Variants in DLGAP2 observed in about 807,000 individuals in gnomAD.
DLGAP2 encodes the protein disks large-associated protein 2.
DLGAP2 carries 26 observed loss-of-function variants against 100.3 expected under a neutral mutation model. The ratio of observed to expected loss-of-function variants is 0.26; its 90% CI spans 0.19 to 0.36. The LOEUF is 0.36. Among genes scored for constraint, DLGAP2 ranks in the 10% least tolerant of loss-of-function variants. DLGAP2 has a pLI of 1.00. For missense variants in DLGAP2, 1,858 were observed against 1,453.2 expected (o/e 1.28, Z -4.53); for synonymous variants, 886 against 630.1 (o/e 1.41, Z -6.08).
chr8:1,466,300 C>G (rs993470174), intron 3 of DLGAP2, among the ~76,000 whole-genome samples: 3 of 152,022 alleles, frequency 2.0e-5, no homozygotes, highest in African/African-American at 7.2e-5. Flanking sequence ...GCCAGGCAAC[C>G]TGAGCCAAGC....
rs141296253 is a variant in DLGAP2 at position 930,265 on chromosome 8, T to C, written c.73+22299T>C. Among the ~76,000 whole-genome samples the C allele has an allele frequency of 3.6e-3, 545 of 152,336 alleles. 6 individuals are homozygous for C. The highest frequency in any genetic ancestry group is 0.013 in the African/African-American group (524 of 41,576). Reference sequence around the variant, plus strand: ...AGTTTGTTCTCCTCTTGGTTGATCATGTGGTCATGGAATCAGTGCACGATC... The same window carrying C: ...AGTTTGTTCTCCTCTTGGTTGATCACGTGGTCATGGAATCAGTGCACGATC... On this transcript the variant is annotated intron_variant, in intron 2 of 14. Coordinates refer to ENST00000637795, the MANE Select transcript of DLGAP2 (RefSeq NM_001346810.2).
At chr8:1,374,531 G>T (rs1220227041) in intron 3 of DLGAP2, among the ~76,000 whole-genome samples, 3 of 152,146 alleles carry the variant, frequency 2.0e-5, no homozygotes, top group African/African-American at 7.2e-5. Flanking sequence ...TTAACAAAGG[G>T]CATTCAGGTG....
At chr8:1,319,928 G>C (rs1394688988) in intron 3 of DLGAP2, among the ~76,000 whole-genome samples, 1 of 152,186 alleles carries the variant, frequency 6.6e-6, no homozygotes, top group Non-Finnish European at 1.5e-5. Context: ...CAGGGCCTTT[G>C]AGAATGTGCC....
chr8:1,432,520 G>A (rs1797481428), intron 3 of DLGAP2, among the ~76,000 whole-genome samples: 1 of 152,354 alleles, frequency 6.6e-6, no homozygotes, highest in African/African-American at 2.4e-5. Flanking sequence ...GTTGACTGGG[G>A]AGAGGAGACA....
chr8:825,462 A>G (rs1796669743), intron 1 of DLGAP2, among the ~76,000 whole-genome samples: 1 of 152,182 alleles, frequency 6.6e-6, no homozygotes, highest in African/African-American at 2.4e-5. Flanking sequence ...GGTGAGTGCC[A>G]GGCAGTCTTC....
At chr8:1,665,319 G>A (rs1798516736) in intron 8 of DLGAP2, among the ~76,000 whole-genome samples, 1 of 152,174 alleles carries the variant, frequency 6.6e-6, no homozygotes, top group African/African-American at 2.4e-5. Flanking sequence ...ATGAGCCAAG[G>A]TGGGGATGAA....
chr8:1,185,584 G>A lies in DLGAP2; in HGVS notation c.74-73267G>A, dbSNP rs371816674. Among the ~76,000 whole-genome samples, 7 of 152,136 alleles carry A rather than the reference G, an allele frequency of 4.6e-5. 1 individual carries two copies. The South Asian group carries it at 6.2e-4, about 14-fold the overall frequency. On this transcript the variant is annotated intron_variant, in intron 2 of 14. Coordinates refer to ENST00000637795, the MANE Select transcript of DLGAP2 (RefSeq NM_001346810.2). ...ACATCCACTAGTCATTTATTGACTC[G>A]CTAATTCCATCATGCAAAATGGTAA...
At chr8:1,368,061 T>C (rs1418927733) in intron 3 of DLGAP2, among the ~76,000 whole-genome samples, 2 of 152,232 alleles carry the variant, frequency 1.3e-5, no homozygotes, top group African/African-American at 2.4e-5. Context: ...TTAACGTGCA[T>C]ACCTATCACG....
chr8:863,416 C>G (rs1455020414), intron 1 of DLGAP2, among the ~76,000 whole-genome samples: 1 of 152,192 alleles, frequency 6.6e-6, no homozygotes, highest in Non-Finnish European at 1.5e-5. Context: ...AATAATTTCT[C>G]CATTCTCATT....
Position 1,564,706 on chromosome 8 carries a change from T to C in DLGAP2, c.1231-977T>C, listed in dbSNP as rs574258511. On this transcript the variant is annotated intron_variant, in intron 5 of 14. Coordinates refer to ENST00000637795, the MANE Select transcript of DLGAP2 (RefSeq NM_001346810.2). ...TGCTGAGTTCTATACCACACAGATA[T>C]ATAACATTCATGGTTGCTCAAGTCT... Among the ~76,000 whole-genome samples, 234 of 152,354 alleles carry C rather than the reference T, an allele frequency of 1.5e-3. 1 individual carries two copies. The highest frequency in any genetic ancestry group is 0.014 in the Middle Eastern group (4 of 292).
intron 1 of DLGAP2, among the ~76,000 whole-genome samples, chr8:775,139 G>A (rs905313079): frequency 2.8e-4 from 42 of 152,136 alleles, no homozygotes; most frequent in African/African-American, 9.2e-4. Context: ...CTCATGATTT[G>A]GCTCTGTGTT....
intron 2 of DLGAP2, among the ~76,000 whole-genome samples, chr8:1,034,484 C>G (rs1802074145): frequency 1.6e-5 from 1 of 61,464 alleles, no homozygotes; most frequent in African/African-American, 9.2e-5. Context: ...GGGTTCACAG[C>G]CTCATCCCGA....
Position 1,472,169 on chromosome 8 carries a change from C to A in DLGAP2, c.107-29197C>A, listed in dbSNP as rs578124487. Among the ~76,000 whole-genome samples the A allele has an allele frequency of 1.3e-3, 198 of 152,264 alleles. 3 individuals carry two copies. The highest frequency in any genetic ancestry group is 8.3e-4 in the South Asian group (4 of 4,828). ...CATGCAGAGCTCAGACGGGGCCGCA[C>A]TGGGGAGGTGATGCTGGAGGAAATC... is the stretch of plus-strand genomic sequence containing the variant. On this transcript the variant is annotated intron_variant, in intron 3 of 14. Transcript: ENST00000637795.
chr8:1,573,456 A>T (rs1420605825), intron 6 of DLGAP2, among the ~76,000 whole-genome samples: 1 of 151,660 alleles, frequency 6.6e-6, no homozygotes, highest in Non-Finnish European at 1.5e-5. Context: ...GGGGGCATCT[A>T]ATGGGATTGA....
rs146889414 is a variant in DLGAP2, at chr8:1,263,724, C to T, written c.106+4841C>T. Among the ~76,000 whole-genome samples, 1,156 of 152,174 alleles carry T rather than the reference C, an allele frequency of 7.6e-3. 12 individuals carry two copies. Among genetic ancestry groups the T allele is most frequent in the South Asian group, 0.047 (225 of 4,812 alleles). On this transcript the variant is annotated intron_variant, in intron 3 of 14. Coordinates refer to ENST00000637795, the MANE Select transcript of DLGAP2 (RefSeq NM_001346810.2). Reference sequence around the variant, plus strand: ...ATGATAGGATTGCTTCTTGAAATTGCATATTGAAGAGCTTAGAAATAACCC... The same window carrying T: ...ATGATAGGATTGCTTCTTGAAATTGTATATTGAAGAGCTTAGAAATAACCC...
chr8:1,342,207 A>G (rs952629081), intron 3 of DLGAP2, among the ~76,000 whole-genome samples: 2 of 152,070 alleles, frequency 1.3e-5, no homozygotes, highest in South Asian at 2.1e-4. Flanking sequence ...TCAGCCTCCC[A>G]AAGTGCTGGG....
At chr8:778,563 C>A (rs541284679) in intron 1 of DLGAP2, among the ~76,000 whole-genome samples, 1 of 152,180 alleles carries the variant, frequency 6.6e-6, no homozygotes, top group South Asian at 2.1e-4. Flanking sequence ...TTCCTCCTAA[C>A]GGACAGGACC....
At chr8:1,158,683 G>A (rs556531927) in intron 2 of DLGAP2, among the ~76,000 whole-genome samples, 5 of 152,346 alleles carry the variant, frequency 3.3e-5, no homozygotes, top group African/African-American at 1.2e-4. Flanking sequence ...AGTGAGTGAC[G>A]CCGTCCACGG....
At chr8:1,033,961 A>G (rs1248864545) in intron 2 of DLGAP2, among the ~76,000 whole-genome samples, 4 of 95,900 alleles carry the variant, frequency 4.2e-5, no homozygotes, top group East Asian at 3.5e-4. Flanking sequence ...GCTCATCCCG[A>G]CCCCGCGTGT....
Sources: gnomAD v4.1 joint callset for allele counts (sites outside exome capture counted in the v4.1 genomes callset) on GRCh38, gnomAD v4.1.1 for gene constraint, MANE v1.5 for transcripts, NCBI Gene and HGNC (gene_info 2026-07-23, HGNC 2026-07-21) for gene names.